Variants in IKZF3 observed in about 807,000 individuals in gnomAD.
IKZF3 encodes the protein zinc finger protein Aiolos.
A neutral mutation model predicts 49.0 loss-of-function variants in IKZF3; 10 were observed. That is an observed-to-expected ratio of 0.20 (90% CI 0.13 to 0.35). The LOEUF (loss-of-function observed/expected upper bound fraction) is 0.35. IKZF3 is among the 10% of genes least tolerant of loss of function. IKZF3 has a pLI of 1.00. For missense variants in IKZF3, 498 were observed against 664.8 expected (o/e 0.75, Z 2.76); for synonymous variants, 209 against 228.2 (o/e 0.92, Z 0.76).
In IKZF3 at chr17:39,814,132, C is replaced by T. The variant is rs2061625660; in HGVS notation, c.163+15255G>A. On this transcript the variant is annotated intron_variant, in intron 3 of 7. Coordinates refer to ENST00000346872, the MANE Select transcript of IKZF3 (RefSeq NM_012481.5). ...GGGACCGAGACTATGCCATGGGAAG[C>T]TACTGAAGATGGGAGTTATTTCTCC... Among the ~76,000 whole-genome samples, 4 of 152,242 alleles carry T rather than the reference C, an allele frequency of 2.6e-5. No individual in the cohort carries two copies. In the South Asian group the frequency reaches 8.3e-4, roughly 32 times the overall value.
intron 7 of IKZF3, among the ~76,000 whole-genome samples, chr17:39,771,440 A>G (rs963607614): frequency 6.6e-6 from 1 of 152,264 alleles, no homozygotes; most frequent in African/African-American, 2.4e-5. Context: ...GAGATGCAGC[A>G]TGTACATCAT....
chr17:39,773,294 C>T (rs1379434791), intron 7 of IKZF3, among the ~76,000 whole-genome samples: 1 of 152,232 alleles, frequency 6.6e-6, no homozygotes, highest in East Asian at 1.9e-4. Context: ...ATCCTCCTTC[C>T]TTCCATGGTA....
intron 7 of IKZF3, among the ~76,000 whole-genome samples, chr17:39,771,599 A>G (rs1044186295): frequency 2.0e-5 from 3 of 152,026 alleles, no homozygotes; most frequent in African/African-American, 7.3e-5. Context: ...TCTCCTTGAA[A>G]TCAGAGGTGG....
At chr17:39,772,972 C>T (rs1567962761) in intron 7 of IKZF3, among the ~76,000 whole-genome samples, 1 of 152,172 alleles carries the variant, frequency 6.6e-6, no homozygotes, top group Non-Finnish European at 1.5e-5. Context: ...CCCACCACCA[C>T]ACCTGGCTAA....
At chr17:39,831,971 A>G (rs2062120423) in intron 2 of IKZF3, 127 bp downstream of exon 2, 3 of 665,380 alleles carry the variant, frequency 4.5e-6, no homozygotes, top group South Asian at 2.0e-5. Context: ...ACAGACAACC[A>G]TATTTAAAAA....
intron 1 of IKZF3, among the ~76,000 whole-genome samples, chr17:39,856,737 C>A (rs2063071669): frequency 6.6e-6 from 1 of 151,662 alleles, no homozygotes; most frequent in African/African-American, 2.4e-5. Flanking sequence ...ACCTGGGAGG[C>A]AGAGGTTGCA....
intron 5 of IKZF3, among the ~76,000 whole-genome samples, chr17:39,788,592 C>T (rs2060930135): frequency 3.9e-5 from 6 of 152,196 alleles, no homozygotes; most frequent in Admixed American, 3.9e-4. Context: ...AGGATCGCCT[C>T]CTATCACAAA....
At chr17:39,778,283 T>C (rs2143731737) in intron 6 of IKZF3, 1 of 688,046 alleles carries the variant, frequency 1.5e-6, no homozygotes, top group Non-Finnish European at 1.8e-6. Context: ...ATTGAAATTC[T>C]GAGTGGTTTC....
chr17:39,852,242 T>G (rs1313613384), intron 1 of IKZF3, among the ~76,000 whole-genome samples: 2 of 151,774 alleles, frequency 1.3e-5, no homozygotes, highest in Non-Finnish European at 2.9e-5. Context: ...TCCCACTGAT[T>G]TCTCTTCTTC....
At chr17:39,863,800 A>G in intron 1 of IKZF3, among the ~76,000 whole-genome samples, 1 of 109,082 alleles carries the variant, frequency 9.2e-6, no homozygotes, top group East Asian at 2.1e-4. Context: ...AGGGTTGATT[A>G]TTCCACCCCA....
intron 1 of IKZF3, among the ~76,000 whole-genome samples, chr17:39,850,280 T>C (rs973048736): frequency 7.1e-6 from 1 of 140,976 alleles, no homozygotes. Context: ...GTATATATAA[T>C]ATATAGTATA....
At chr17:39,849,578 G>A (rs909334135) in intron 1 of IKZF3, among the ~76,000 whole-genome samples, 4 of 152,094 alleles carry the variant, frequency 2.6e-5, no homozygotes, top group African/African-American at 9.7e-5. Flanking sequence ...AGAATCGCTG[G>A]GAGGTGGAGG....
intron 2 of IKZF3, among the ~76,000 whole-genome samples, chr17:39,831,440 ATAAAT>A (rs1159233107): frequency 6.6e-6 from 1 of 152,212 alleles, no homozygotes; most frequent in African/African-American, 2.4e-5. Context: ...CATTTCAGTG[ATAAAT>A]TAAATTTTGT....
chr17:39,853,422 C>T (rs2062940576), intron 1 of IKZF3, among the ~76,000 whole-genome samples: 1 of 152,132 alleles, frequency 6.6e-6, no homozygotes, highest in Non-Finnish European at 1.5e-5. Context: ...AAAAAACATA[C>T]GTTAAGTACA....
At chr17:39,779,369 G>T (rs1004827232) in intron 6 of IKZF3, among the ~76,000 whole-genome samples, 1 of 152,152 alleles carries the variant, frequency 6.6e-6, no homozygotes, top group Non-Finnish European at 1.5e-5. Flanking sequence ...GCTGAGGCCG[G>T]AGAATCGCTT....
chr17:39,842,612 G>GA (rs1398640906), intron 1 of IKZF3, among the ~76,000 whole-genome samples: 4 of 151,898 alleles, frequency 2.6e-5, no homozygotes, highest in South Asian at 2.1e-4. Flanking sequence ...AACTCATTGG[G>GA]AAAAAAACAG....
intron 7 of IKZF3, among the ~76,000 whole-genome samples, chr17:39,768,902 G>A (rs1245400696): frequency 3.3e-5 from 5 of 152,150 alleles, no homozygotes; most frequent in South Asian, 2.1e-4. Flanking sequence ...AATTTTGATC[G>A]GATACTACTG....
In IKZF3 at chr17:39,761,581, A is replaced by ATATATATATATATATATAC. The variant is rs1567944278; in HGVS notation, c.*4208_*4209insGTATATATATATATATATA. ...ATACATACATATATATACATATACA[A>ATATATATATATATATATAC]AAAAAATAAAAATAAATTAAAAAAT... On this transcript the variant is annotated 3_prime_UTR_variant, in exon 8 of 8. Coordinates refer to ENST00000346872, the MANE Select transcript of IKZF3 (RefSeq NM_012481.5). 3.1e-4 allele frequency: 46 copies of ATATATATATATATATATAC among 147,026 alleles called. 1 individual carries two copies. Among genetic ancestry groups the ATATATATATATATATATAC allele is most frequent in the African/African-American group, 1.2e-3 (44 of 37,802 alleles). The allele number at this position is 147,026 out of a possible 1,614,324, so 9.1% of individuals were successfully genotyped here. A position where few individuals can be genotyped will look rare whatever the true frequency, so the allele number is the denominator to read the frequency against.
Position 39,823,943 on chromosome 17 carries a change from C to T in IKZF3, c.163+5444G>A, listed in dbSNP as rs2061884517. ...TAAAACCCCCCATGCAGAGTCCCCA[C>T]TGGAACACCGTGTAGTGGAGCTGTT... On this transcript the variant is annotated intron_variant, in intron 3 of 7. Transcript: ENST00000346872. Among the ~76,000 whole-genome samples, 2 of 152,218 alleles carry T rather than the reference C, an allele frequency of 1.3e-5. 1 individual carries two copies. The highest frequency in any genetic ancestry group is 4.1e-4 in the South Asian group (2 of 4,830).
Sources: gnomAD v4.1 joint callset for allele counts (sites outside exome capture counted in the v4.1 genomes callset) on GRCh38, gnomAD v4.1.1 for gene constraint, MANE v1.5 for transcripts, NCBI Gene and HGNC (gene_info 2026-07-23, HGNC 2026-07-21) for gene names.